The following EBF2 variants were observed in gnomAD, a reference collection of about 807,000 sequenced individuals.
The protein encoded by EBF2 is EBF transcription factor 2.
A neutral mutation model predicts 72.8 loss-of-function variants in EBF2; 21 were observed. The ratio of observed to expected loss-of-function variants is 0.29; its 90% CI spans 0.20 to 0.42. The LOEUF is 0.42. Ranked by LOEUF, EBF2 falls within the 10% of genes least tolerant of loss-of-function variation. EBF2 has a pLI of 1.00. For missense variants in EBF2, 637 were observed against 731.2 expected (o/e 0.87, Z 1.49); for synonymous variants, 299 against 274.2 (o/e 1.09, Z -0.89).
intron 6 of EBF2, among the ~76,000 whole-genome samples, chr8:25,965,302 T>A (rs1180178103): frequency 3.3e-5 from 5 of 152,194 alleles, no homozygotes; most frequent in African/African-American, 9.7e-5. Context: ...ATAACGATTT[T>A]GTGTAACATA....
chr8:25,940,035 C>T (rs1218856629), intron 6 of EBF2, among the ~76,000 whole-genome samples: 2 of 152,176 alleles, frequency 1.3e-5, no homozygotes, highest in Admixed American at 6.5e-5. Flanking sequence ...GATATCTAAG[C>T]CCCTTCCAAT....
At chr8:25,887,803 G>A in intron 9 of EBF2, 39 bp downstream of exon 9, 2 of 1,495,858 alleles carry the variant, frequency 1.3e-6, no homozygotes, top group Non-Finnish European at 1.8e-6. Flanking sequence ...CAATCTTTGG[G>A]CAAAAGGAAA....
intron 6 of EBF2, among the ~76,000 whole-genome samples, chr8:25,980,387 G>A (rs902293379): frequency 2.6e-5 from 4 of 152,110 alleles, no homozygotes; most frequent in Non-Finnish European, 5.9e-5. Context: ...CTGACATTCA[G>A]AGAAGTCCAG....
At chr8:25,959,595 T>C (rs181550970) in intron 6 of EBF2, among the ~76,000 whole-genome samples, 1 of 152,308 alleles carries the variant, frequency 6.6e-6, no homozygotes, top group East Asian at 1.9e-4. Context: ...CATTTGTTGT[T>C]TGGGGGAGGT....
chr8:25,954,391 C>T (rs1020832033), intron 6 of EBF2, among the ~76,000 whole-genome samples: 6 of 152,192 alleles, frequency 3.9e-5, no homozygotes, highest in South Asian at 2.1e-4. Flanking sequence ...GCCCCACCTT[C>T]GCGCGCAGGG....
intron 6 of EBF2, among the ~76,000 whole-genome samples, chr8:25,917,438 C>T (rs1229215806): frequency 2.0e-5 from 3 of 152,132 alleles, no homozygotes; most frequent in Non-Finnish European, 4.4e-5. Context: ...CACAAAATGT[C>T]TTTGGAGGGC....
chr8:25,906,835 G>C (rs1336932586), intron 7 of EBF2, among the ~76,000 whole-genome samples: 26 of 152,092 alleles, frequency 1.7e-4, no homozygotes. Context: ...GAGAGAAAAA[G>C]TCTCCAACTT....
In EBF2 at chr8:25,867,988, C is replaced by T. The variant is rs138451762; in HGVS notation, c.1010-5191G>A. On this transcript the variant is annotated intron_variant, in intron 10 of 15. Transcript: ENST00000520164. The stretch of plus-strand genomic sequence containing the variant: ...CTAACCGATCTAGAGTTCCCCTCCC[C>T]CTCTGCCCACTGAAATGTACACAAA... Among the ~76,000 whole-genome samples, 753 of 152,250 alleles carry T rather than the reference C, an allele frequency of 4.9e-3. 7 individuals are homozygous for T. Among genetic ancestry groups the T allele is most frequent in the African/African-American group, 0.017 (718 of 41,538 alleles).
chr8:26,012,578 T>G (rs1187594244), intron 6 of EBF2, among the ~76,000 whole-genome samples: 2 of 152,180 alleles, frequency 1.3e-5, no homozygotes, highest in Non-Finnish European at 2.9e-5. Context: ...TGAAATCTAT[T>G]AAGACAAAGA....
At chr8:25,982,770 T>C (rs1170273347) in intron 6 of EBF2, among the ~76,000 whole-genome samples, 2 of 152,086 alleles carry the variant, frequency 1.3e-5, no homozygotes, top group African/African-American at 4.8e-5. Flanking sequence ...TTAAATTATT[T>C]TGGTTTTCAC....
chr8:25,979,456 C>G (rs1404036266), intron 6 of EBF2, among the ~76,000 whole-genome samples: 1 of 152,192 alleles, frequency 6.6e-6, no homozygotes, highest in East Asian at 1.9e-4. Flanking sequence ...AGCCCATTTC[C>G]CTGTTTAAGG....
Position 26,005,802 on chromosome 8 carries a change from G to A in EBF2, c.551+27283C>T, listed in dbSNP as rs1429771575. On this transcript the variant is annotated intron_variant, in intron 6 of 15. Coordinates refer to ENST00000520164, the MANE Select transcript of EBF2 (RefSeq NM_022659.4). ...GCCAAGATCGCACCACTGCACTCCA[G>A]CATGAGCAACAGAGCAAGACCAAGT... Among the ~76,000 whole-genome samples, 4 of 140,852 alleles carry A rather than the reference G, an allele frequency of 2.8e-5. No homozygotes were observed. In the South Asian group the frequency reaches 9.0e-4, roughly 32 times the overall value. The allele number at this position is 140,852 out of a possible 152,430, so 92.4% of individuals were successfully genotyped here.
intron 6 of EBF2, among the ~76,000 whole-genome samples, chr8:25,922,018 G>A (rs1803312750): frequency 1.3e-5 from 2 of 152,124 alleles, no homozygotes; most frequent in Admixed American, 6.5e-5. Flanking sequence ...TTCAAAAATG[G>A]AGGCTAGGCA....
At chr8:25,850,174 G>A (rs533169505) in intron 15 of EBF2, among the ~76,000 whole-genome samples, 16 of 152,134 alleles carry the variant, frequency 1.1e-4, no homozygotes, top group South Asian at 6.2e-4. Flanking sequence ...GTGCAATGGC[G>A]CGATCTCAGC....
intron 15 of EBF2, among the ~76,000 whole-genome samples, chr8:25,849,698 C>A (rs17806881): frequency 6.6e-6 from 1 of 152,082 alleles, no homozygotes; most frequent in Admixed American, 6.6e-5. Flanking sequence ...ATATACTCAT[C>A]ACATTTGTGT....
intron 10 of EBF2, among the ~76,000 whole-genome samples, chr8:25,874,853 CTTTTT>C (rs1183233269): frequency 8.0e-5 from 8 of 99,574 alleles, no homozygotes; most frequent in African/African-American, 3.3e-4. Flanking sequence ...GCCTGGCTAA[CTTTTT>C]TTTTTTTTTT....
At chr8:26,007,473 T>A (rs1023122830) in intron 6 of EBF2, among the ~76,000 whole-genome samples, 7 of 152,186 alleles carry the variant, frequency 4.6e-5, no homozygotes, top group Non-Finnish European at 1.0e-4. Flanking sequence ...AGTTTTTTTT[T>A]AATCATCTAA....
chr8:26,015,354 C>T (rs1563209185), intron 6 of EBF2, among the ~76,000 whole-genome samples: 1 of 152,148 alleles, frequency 6.6e-6, no homozygotes, highest in Non-Finnish European at 1.5e-5. Context: ...TGCATAAATC[C>T]TCCTCTTCCC....
intron 6 of EBF2, among the ~76,000 whole-genome samples, chr8:25,964,344 A>C (rs1585209904): frequency 6.6e-6 from 1 of 152,202 alleles, no homozygotes; most frequent in Non-Finnish European, 1.5e-5. Flanking sequence ...TAATCCAAGT[A>C]TACGTTTAGG....
Sources: gnomAD v4.1 joint callset for allele counts (sites outside exome capture counted in the v4.1 genomes callset) on GRCh38, gnomAD v4.1.1 for gene constraint, MANE v1.5 for transcripts, NCBI Gene and HGNC (gene_info 2026-07-23, HGNC 2026-07-21) for gene names.